Variants in ATP2C2 observed in about 807,000 individuals in gnomAD.
ATP2C2 encodes the protein ATPase secretory pathway Ca2+ transporting 2, also known as calcium-transporting ATPase type 2C member 2.
A neutral mutation model predicts 110.8 loss-of-function variants in ATP2C2; 171 were observed. That is an observed-to-expected ratio of 1.54 (90% CI 1.36 to 1.75). The LOEUF (loss-of-function observed/expected upper bound fraction) is 1.75, where lower values mean the gene tolerates loss of function less well. ATP2C2 is among the 40% of genes most tolerant of loss of function. ATP2C2 has a pLI of 0.00. For synonymous variants in ATP2C2, 804 were observed against 508.4 expected, an observed-to-expected ratio of 1.58 and a Z score of -7.82; for missense variants, 1,963 against 1,235.0, an observed-to-expected ratio of 1.59 and a Z score of -8.84.
intron 2 of ATP2C2, among the ~76,000 whole-genome samples, chr16:84,401,444 C>G (rs375172631): frequency 6.6e-6 from 1 of 151,952 alleles, no homozygotes; most frequent in Non-Finnish European, 1.5e-5. Flanking sequence ...AGGCTGATCT[C>G]GAACTCCTGA....
intron 1 of ATP2C2, among the ~76,000 whole-genome samples, chr16:84,396,656 G>A (rs199534608): frequency 6.6e-6 from 1 of 151,596 alleles, no homozygotes; most frequent in East Asian, 1.9e-4. Context: ...GGAGTGCCCA[G>A]CCTGCCTCCA....
intron 1 of ATP2C2, among the ~76,000 whole-genome samples, chr16:84,395,720 G>A (rs1437782852): frequency 5.9e-5 from 9 of 152,064 alleles, no homozygotes; most frequent in Non-Finnish European, 1.2e-4. Context: ...GGCTGGTCTC[G>A]AACTCCTGAC....
chr16:84,380,801 A>G (rs1910535997), intron 1 of ATP2C2, among the ~76,000 whole-genome samples: 1 of 152,192 alleles, frequency 6.6e-6, no homozygotes. Flanking sequence ...GAATGGAGTC[A>G]TTTAATACAC....
intron 17 of ATP2C2, among the ~76,000 whole-genome samples, chr16:84,449,726 G>T (rs888704546): frequency 3.9e-5 from 6 of 152,204 alleles, no homozygotes; most frequent in African/African-American, 1.4e-4. Flanking sequence ...GGAGAGATTG[G>T]GAGACAATCT....
Position 84,444,695 on chromosome 16 carries a change from G to A in ATP2C2, c.1402-1634G>A, listed in dbSNP as rs552176634. Among the ~76,000 whole-genome samples, 141 of 152,298 alleles carry A rather than the reference G, an allele frequency of 9.3e-4. 1 individual carries two copies. Among genetic ancestry groups the A allele is most frequent in the African/African-American group, 3.3e-3 (137 of 41,564 alleles). ...TGTCACCTTGCTTCCGCCACCAGCCGTCCCTGCAGCCTAGAGAGGAGAGAG... is the reference window on the plus strand; with the variant it reads ...TGTCACCTTGCTTCCGCCACCAGCCATCCCTGCAGCCTAGAGAGGAGAGAG... On this transcript the variant is annotated intron_variant, in intron 15 of 26. Coordinates refer to ENST00000262429, the MANE Select transcript of ATP2C2 (RefSeq NM_014861.4).
Position 84,463,958 on chromosome 16 carries a change from A to C in ATP2C2, c.*226A>C. 1 of 518,434 alleles carries C rather than the reference A, an allele frequency of 1.9e-6. No homozygotes were observed. The highest frequency in any genetic ancestry group is 3.5e-6 in the Non-Finnish European group (1 of 289,162). The allele number at this position is 518,434 out of a possible 1,614,324, so 32.1% of individuals were successfully genotyped here. ...GTGGGACAGACAGGGAGGGGCCTGT[A>C]CAGAAACACCACACTGTTTATTAAA... On this transcript the variant is annotated 3_prime_UTR_variant, in exon 27 of 27. Transcript: ENST00000262429.
Position 84,418,775 on chromosome 16 carries a change from C to G in ATP2C2, c.624+3184C>G, listed in dbSNP as rs879452563. Among the ~76,000 whole-genome samples, 3 of 152,296 alleles carry G rather than the reference C, an allele frequency of 2.0e-5. No individual in the cohort carries two copies. In the East Asian group the frequency reaches 5.8e-4, roughly 29 times the overall value. Reference sequence around the variant, plus strand: ...GACTCTTCCTGGCACTGCCTCTCCCCCTGAGTTTCCTCCATGTATCCGTTG... The same window carrying G: ...GACTCTTCCTGGCACTGCCTCTCCCGCTGAGTTTCCTCCATGTATCCGTTG... On this transcript the variant is annotated intron_variant, in intron 7 of 26. Coordinates refer to ENST00000262429, the MANE Select transcript of ATP2C2 (RefSeq NM_014861.4).
intron 2 of ATP2C2, 95 bp downstream of exon 2, chr16:84,398,704 T>C: frequency 2.1e-6 from 2 of 957,868 alleles, no homozygotes; most frequent in Non-Finnish European, 3.0e-6. Flanking sequence ...TGAAATTCTG[T>C]GTTATTATCA....
intron 7 of ATP2C2, among the ~76,000 whole-genome samples, chr16:84,418,315 C>T (rs1035768444): frequency 6.6e-6 from 1 of 152,136 alleles, no homozygotes; most frequent in Non-Finnish European, 1.5e-5. Context: ...ATTTTCGCCC[C>T]TCACCCCTCC....
intron 25 of ATP2C2, 41 bp downstream of exon 25, chr16:84,461,853 G>T (rs773910075): frequency 6.2e-7 from 1 of 1,607,260 alleles, no homozygotes; most frequent in Non-Finnish European, 8.5e-7. Flanking sequence ...GAGCTGCTGT[G>T]TGTTCTCGAC....
intron 7 of ATP2C2, among the ~76,000 whole-genome samples, chr16:84,415,932 G>C (rs1597795878): frequency 6.6e-6 from 1 of 151,412 alleles, no homozygotes; most frequent in East Asian, 1.9e-4. Flanking sequence ...GTGTTAGAAA[G>C]AAGTGATATT....
Position 84,425,818 on chromosome 16 carries a change from C to A in ATP2C2, c.986+17C>A. The stretch of plus-strand genomic sequence containing the variant: ...CGGGGTCAGGTAAGAGTGCTATGGC[C>A]GCCCCTTGCCTTGCCAGGGTGGTCA... On this transcript the variant is annotated intron_variant, in intron 11 of 26. Coordinates refer to ENST00000262429, the MANE Select transcript of ATP2C2 (RefSeq NM_014861.4). 6.2e-7 allele frequency: 1 copy of A among 1,613,562 alleles called. No homozygotes were observed. The highest frequency in any genetic ancestry group is 1.3e-5 in the African/African-American group (1 of 74,918).
intron 11 of ATP2C2, among the ~76,000 whole-genome samples, chr16:84,438,851 C>G (rs1454636678): frequency 1.3e-5 from 2 of 152,350 alleles, no homozygotes; most frequent in East Asian, 3.9e-4. Context: ...AGCCTTTTCT[C>G]TCTAATAAAT....
chr16:84,452,092 G>A lies in ATP2C2; in HGVS notation c.1831+1G>A, dbSNP rs745700191. The A allele has an allele frequency of 3.4e-5, 55 of 1,613,938 alleles. No individual in the cohort carries two copies. Among genetic ancestry groups the A allele is most frequent in the East Asian group, 4.5e-5 (2 of 44,894 alleles). On this transcript the variant is annotated splice_donor_variant, in intron 18 of 26. Transcript: ENST00000262429. LOFTEE classifies it high-confidence loss of function. ...GCCCTGGAGACGGCCTTGGCCATAGGTAACTGGGACAGGGTCGGGGGTGAG... is the reference window on the plus strand; with the variant it reads ...GCCCTGGAGACGGCCTTGGCCATAGATAACTGGGACAGGGTCGGGGGTGAG...
rs1169585477 is a variant in ATP2C2 at position 84,444,179 on chromosome 16, AAAAAAC to A, written c.1401+1586_1401+1591del. On this transcript the variant is annotated intron_variant, in intron 15 of 26. Coordinates refer to ENST00000262429, the MANE Select transcript of ATP2C2 (RefSeq NM_014861.4). ...TCCTGCCTCAAAAAAAAAAAAAAAAAAAAAACAAAAAGATTGGGCACAGTGGCTCAC... is the reference window on the plus strand; with the variant it reads ...TCCTGCCTCAAAAAAAAAAAAAAAAAAAAAAGATTGGGCACAGTGGCTCAC... Among the ~76,000 whole-genome samples, 549 of 147,642 alleles carry A rather than the reference AAAAAAC, an allele frequency of 3.7e-3. 14 individuals carry two copies. The highest frequency in any genetic ancestry group is 0.029 in the Admixed American group (418 of 14,532).
intron 17 of ATP2C2, 124 bp from the exon 18 acceptor site, chr16:84,451,797 C>T (rs1474307176): frequency 5.2e-6 from 5 of 965,128 alleles, no homozygotes; most frequent in Admixed American, 2.3e-5. Flanking sequence ...AACATTACAC[C>T]ACTGCACTCC....
intron 17 of ATP2C2, among the ~76,000 whole-genome samples, chr16:84,450,453 G>T (rs1197949540): frequency 5.9e-5 from 9 of 152,144 alleles, no homozygotes; most frequent in African/African-American, 2.2e-4. Flanking sequence ...CACGGAGAGG[G>T]AAGGAGAGTT....
chr16:84,460,422 C>G lies in ATP2C2; in HGVS notation c.2334-232C>G, dbSNP rs1392667602. ...TGTGTGGTTGGCCTTACGGGGTGGT[C>G]TTCCTTCACTGTCTGCGGGACAGAT... is the stretch of plus-strand genomic sequence containing the variant. On this transcript the variant is annotated intron_variant, in intron 23 of 26. Transcript: ENST00000262429. 4.9e-6 allele frequency: 3 copies of G among 611,042 alleles called. 1 individual carries two copies. Among genetic ancestry groups the G allele is most frequent in the Non-Finnish European group, 8.7e-6 (3 of 343,806 alleles). The allele number at this position is 611,042 out of a possible 1,614,324, so 37.9% of individuals were successfully genotyped here.
At chr16:84,405,054 G>C in intron 2 of ATP2C2, 74 bp from the exon 3 acceptor site, 1 of 1,238,254 alleles carries the variant, frequency 8.1e-7, no homozygotes, top group Non-Finnish European at 1.2e-6. Context: ...GCCTTTCAGA[G>C]TGGGAGTCTG....
Sources: allele counts gnomAD v4.1 joint callset (sites outside exome capture counted in the v4.1 genomes callset), GRCh38; gene constraint gnomAD v4.1.1; transcripts MANE v1.5; gene names NCBI Gene and HGNC (gene_info 2026-07-23, HGNC 2026-07-21).